Variants in GPLD1 observed in about 807,000 individuals in gnomAD.
The protein encoded by GPLD1 is glycosylphosphatidylinositol specific phospholipase D1, also known as phosphatidylinositol-glycan-specific phospholipase D.
A neutral mutation model predicts 112.6 loss-of-function variants in GPLD1; 84 were observed. That is an observed-to-expected ratio of 0.75 (90% confidence interval 0.63 to 0.89). GPLD1 has a LOEUF of 0.89. Among genes scored for constraint, GPLD1 ranks in the 40% least tolerant of loss-of-function variants. GPLD1 has a pLI of 0.00. For missense variants in GPLD1, 1,044 were observed against 1,051.5 expected (o/e 0.99, Z 0.10); for synonymous variants, 386 against 403.8 (o/e 0.96, Z 0.53).
chr6:24,425,700 G>A (rs1288971003), downstream of GPLD1: 5 of 152,166 alleles, frequency 3.3e-5, no homozygotes, highest in South Asian at 2.1e-4. Context: ...CAATCATATC[G>A]CCTGTCAAAC....
chr6:24,468,645 C>T (rs183049543), intron 7 of GPLD1, among the ~76,000 whole-genome samples: 125 of 152,088 alleles, frequency 8.2e-4, no homozygotes, highest in Admixed American at 2.7e-3. Context: ...CCTCCGCCTT[C>T]CAAGTTCAAG....
At position 24,436,545 on chromosome 6, in the gene GPLD1, A is replaced by T. The variant is rs1261950491; in HGVS notation, c.2358+31T>A. On this transcript the variant is annotated intron_variant, in intron 22 of 24. Coordinates refer to ENST00000230036, the MANE Select transcript of GPLD1 (RefSeq NM_001503.4). ...AATCAGCAATTAGTGATCCTTTCCC[A>T]ATAAGTTATAGAATTTTGTAGAACA... 12 of 1,592,406 alleles carry T rather than the reference A, an allele frequency of 7.5e-6. No homozygotes were observed. The East Asian group carries it at 2.7e-4, about 36-fold the overall frequency.
rs181264645 is a variant in GPLD1 at position 24,472,812 on chromosome 6, A to G, written c.491-176T>C. 2.7e-3 allele frequency among the ~76,000 whole-genome samples: 391 copies of G among 147,160 alleles called. 4 individuals are homozygous for G. The highest frequency in any genetic ancestry group is 9.1e-3 in the African/African-American group (359 of 39,492). On this transcript the variant is annotated intron_variant, in intron 6 of 24. Coordinates refer to ENST00000230036, the MANE Select transcript of GPLD1 (RefSeq NM_001503.4). ...TTTTTTTAGACGGAGTTTTGCTCTT[A>G]TTGCCCAGGCTGGAGTGCAATGGCG...
Position 24,447,999 on chromosome 6 carries a change from G to C in GPLD1, c.1556C>G (p.Ala519Gly), listed in dbSNP as rs1023012369. The C allele has an allele frequency of 6.2e-7, 1 of 1,613,662 alleles. No individual in the cohort carries two copies. Among genetic ancestry groups the C allele is most frequent in the African/African-American group, 1.3e-5 (1 of 74,772 alleles). Residue 519 changes from alanine (A) to glycine (G), a missense_variant, in exon 17 of 25, where the codon GCT (alanine) becomes GGT (glycine). Coordinates refer to ENST00000230036, the MANE Select transcript of GPLD1 (RefSeq NM_001503.4). The stretch of plus-strand genomic sequence containing the variant: ...TTCACTGTCTCCATTCACATCTGCA[G>C]CCAAGAGAGTCCAGCCCAAGTTACA... ...IYCNLGWTLL[A>G]ADVNGDSEPD... is the part of the protein sequence containing the mutation.
rs1316984523 is a variant in GPLD1 at position 24,454,192 on chromosome 6, G to C, written c.1158C>G (p.Thr386=). ...GCCCATCCTGGTTGAGGTCAGCTGA[G>C]GTCATTGCCCTTAGGGAAGTGAAGG... ...FPYARLGWAM[T]SADLNQDGHG... The change falls in exon 14 of 25, where the codon ACC becomes ACG. Residue 386 remains threonine (T), a synonymous_variant. Transcript: ENST00000230036. The C allele has an allele frequency of 1.9e-6, 3 of 1,610,990 alleles. No individual in the cohort carries two copies. The highest frequency in any genetic ancestry group is 2.7e-5 in the African/African-American group (2 of 74,858).
chr6:24,489,957 C>A (rs1392120496), upstream of GPLD1, among the ~76,000 whole-genome samples: 3 of 152,168 alleles, frequency 2.0e-5, no homozygotes, highest in African/African-American at 7.2e-5. Context: ...TCTCATGCAT[C>A]CTTTCTACAC....
chr6:24,459,166 G>T (rs149069309), intron 12 of GPLD1, among the ~76,000 whole-genome samples: 2 of 152,210 alleles, frequency 1.3e-5, no homozygotes, highest in Non-Finnish European at 2.9e-5. Context: ...ACTATCTACT[G>T]TCCAAGACCT....
chr6:24,481,600 G>A (rs895643884), intron 2 of GPLD1, among the ~76,000 whole-genome samples: 1 of 152,134 alleles, frequency 6.6e-6, no homozygotes, highest in Non-Finnish European at 1.5e-5. Flanking sequence ...CACAGAGTTT[G>A]GCTCAGAAAT....
chr6:24,424,973 T>C (rs1762180502), downstream of GPLD1: 1 of 152,184 alleles, frequency 6.6e-6, no homozygotes, highest in African/African-American at 2.4e-5. Context: ...GGGAAGCCAT[T>C]AGAGGGAAGC....
intron 10 of GPLD1, among the ~76,000 whole-genome samples, chr6:24,464,783 C>A (rs187236185): frequency 6.6e-6 from 1 of 152,320 alleles, no homozygotes; most frequent in Non-Finnish European, 1.5e-5. Context: ...CTAAGCTTCC[C>A]GCTCTGCCCT....
At chr6:24,467,420 A>G (rs2127355079) in intron 7 of GPLD1, 146 bp from the exon 8 acceptor site, 1 of 607,222 alleles carries the variant, frequency 1.6e-6, no homozygotes, top group East Asian at 2.8e-5. Context: ...ATTTAATCCT[A>G]GCAATGACCT....
At chr6:24,485,646 A>G (rs1764346323) in intron 2 of GPLD1, among the ~76,000 whole-genome samples, 1 of 151,878 alleles carries the variant, frequency 6.6e-6, no homozygotes, top group Admixed American at 6.6e-5. Flanking sequence ...ATACAACATT[A>G]TAACATAAAG....
Position 24,433,372 on chromosome 6 carries a change from A to C in GPLD1, c.2376T>G (p.Ile792Met). 6.2e-7 allele frequency: 1 copy of C among 1,609,094 alleles called. No homozygotes were observed. Among genetic ancestry groups the C allele is most frequent in the Non-Finnish European group, 8.5e-7 (1 of 1,175,394 alleles). Reference protein sequence around the residue: ...CPEEKAQYVLISPEASSRFGS... With the variant: ...CPEEKAQYVLMSPEASSRFGS... ...TTCAAGGGATACTTACTTCAGGAGA[A>C]ATCAATACATATTGGGCCTGAAGAA... The change falls in exon 23 of 25, where the codon ATT (isoleucine) becomes ATG (methionine). Residue 792 changes from isoleucine to methionine, a missense_variant. Physicochemically the swap from Ile to Met is conservative, Grantham distance 10. Transcript: ENST00000230036.
intron 20 of GPLD1, among the ~76,000 whole-genome samples, chr6:24,441,008 A>C (rs115250085): frequency 0.013 from 1,923 of 152,260 alleles, 35 homozygotes; most frequent in African/African-American, 0.044. Context: ...CCCCTGATAT[A>C]AAATGGTATA....
intron 14 of GPLD1, among the ~76,000 whole-genome samples, chr6:24,451,401 A>G (rs1458665176): frequency 2.0e-5 from 3 of 152,066 alleles, no homozygotes; most frequent in Non-Finnish European, 4.4e-5. Flanking sequence ...AGAGTGCAAT[A>G]GTGCTTGGCT....
exon 1 of GPLD1, chr6:24,495,067 T>G: frequency 2.2e-6 from 3 of 1,334,692 alleles, no homozygotes; most frequent in Non-Finnish European, 2.9e-6. Flanking sequence ...GGCTGCCGCC[T>G]CCGCCCCCGC....
At chr6:24,489,036 AAAC>A (rs1719830224) in intron 1 of GPLD1, among the ~76,000 whole-genome samples, 1 of 152,170 alleles carries the variant, frequency 6.6e-6, no homozygotes, top group Non-Finnish European at 1.5e-5. Flanking sequence ...GGACATGTAA[AAAC>A]AACAAAAGTA....
intron 7 of GPLD1, among the ~76,000 whole-genome samples, chr6:24,471,357 G>A (rs2127358654): frequency 6.6e-6 from 1 of 152,174 alleles, no homozygotes; most frequent in South Asian, 2.1e-4. Context: ...TTAGCCAGGT[G>A]GAGGCTGAGG....
intron 10 of GPLD1, among the ~76,000 whole-genome samples, chr6:24,463,864 A>C (rs1763512586): frequency 6.6e-6 from 1 of 152,204 alleles, no homozygotes; most frequent in Non-Finnish European, 1.5e-5. Context: ...AATTCTGATG[A>C]ATCTTTCTTT....
Sources: allele counts gnomAD v4.1 joint callset (sites outside exome capture counted in the v4.1 genomes callset), GRCh38; gene constraint gnomAD v4.1.1; transcripts MANE v1.5; gene names NCBI Gene and HGNC (gene_info 2026-07-23, HGNC 2026-07-21).